SDK1: variants seen among roughly 807,000 people sequenced by gnomAD.
SDK1 encodes protein sidekick-1.
Under a neutral mutation model 245.5 loss-of-function variants are expected in SDK1, and 157 were observed. The ratio of observed to expected loss-of-function variants is 0.64; its 90% CI spans 0.56 to 0.73. The LOEUF (loss-of-function observed/expected upper bound fraction) is 0.73. SDK1 is among the 30% of genes least tolerant of loss of function. The pLI is 0.00. For missense variants in SDK1, 3,583 were observed against 3,002.3 expected, an observed-to-expected ratio of 1.19 and a Z score of -4.52; for synonymous variants, 1,647 against 1,278.5, an observed-to-expected ratio of 1.29 and a Z score of -6.15.
intron 4 of SDK1, among the ~76,000 whole-genome samples, chr7:3,778,149 C>G (rs142230871): frequency 6.6e-6 from 1 of 152,248 alleles, no homozygotes; most frequent in African/African-American, 2.4e-5. Context: ...TTGTAGCAAC[C>G]AGTAGTGTAT....
intron 34 of SDK1, among the ~76,000 whole-genome samples, chr7:4,176,907 G>A (rs1782249212): frequency 6.6e-6 from 1 of 152,178 alleles, no homozygotes; most frequent in African/African-American, 2.4e-5. Flanking sequence ...AAACCACGTT[G>A]TTTCTCCTTT....
chr7:3,982,304 C>T (rs1783470069), intron 13 of SDK1, among the ~76,000 whole-genome samples: 1 of 152,196 alleles, frequency 6.6e-6, no homozygotes, highest in South Asian at 2.1e-4. Context: ...ATGGACAGTG[C>T]ACCTTGTCAT....
At chr7:3,710,460 G>T (rs936286563) in intron 4 of SDK1, among the ~76,000 whole-genome samples, 1 of 152,170 alleles carries the variant, frequency 6.6e-6, no homozygotes, top group African/African-American at 2.4e-5. Context: ...AATTATTAAG[G>T]ACTAATGTCA....
rs114538267 is a variant in SDK1, at chr7:4,099,451, C to G, written c.3325-11212C>G. ...AGGGCCGGGCCAGGCAAGGTTAGGA[C>G]TGCCTGGTGTCACAGTCTCAGCGGG... On this transcript the variant is annotated intron_variant, in intron 22 of 44. Transcript: ENST00000404826. Among the ~76,000 whole-genome samples, 540 of 139,752 alleles carry G rather than the reference C, an allele frequency of 3.9e-3. 2 individuals carry two copies. Among genetic ancestry groups the G allele is most frequent in the African/African-American group, 0.014 (515 of 37,536 alleles). The allele number at this position is 139,752 out of a possible 152,430, so 91.7% of individuals were successfully genotyped here.
Position 4,144,489 on chromosome 7 carries a change from G to C in SDK1, c.4229-1233G>C, listed in dbSNP as rs1043470916. On this transcript the variant is annotated intron_variant, in intron 28 of 44. Coordinates refer to ENST00000404826, the MANE Select transcript of SDK1 (RefSeq NM_152744.4). ...TGGTGAGCGGTGATGCCTGGGGCCTGATGTGAGGATGCCCTTGAGGTCTGA... is the reference window on the plus strand; with the variant it reads ...TGGTGAGCGGTGATGCCTGGGGCCTCATGTGAGGATGCCCTTGAGGTCTGA... 9.9e-5 allele frequency among the ~76,000 whole-genome samples: 15 copies of C among 151,182 alleles called. No homozygotes were observed. The South Asian group carries it at 3.1e-3, about 32-fold the overall frequency.
intron 5 of SDK1, among the ~76,000 whole-genome samples, chr7:3,896,960 A>G (rs906184625): frequency 1.3e-5 from 2 of 152,200 alleles, no homozygotes; most frequent in African/African-American, 2.4e-5. Context: ...AGTTACAATC[A>G]TGGCAGAAGG....
intron 1 of SDK1, among the ~76,000 whole-genome samples, chr7:3,615,306 G>A (rs1781731609): frequency 1.3e-5 from 2 of 151,586 alleles, no homozygotes; most frequent in African/African-American, 4.8e-5. Flanking sequence ...GACTGTTTGG[G>A]TAATAAGAGG....
intron 2 of SDK1, among the ~76,000 whole-genome samples, chr7:3,637,050 A>T (rs1341951843): frequency 2.3e-5 from 3 of 129,824 alleles, no homozygotes; most frequent in Non-Finnish European, 3.2e-5. Context: ...TTTTTTCCTG[A>T]TGCAGAGAGA....
At chr7:4,007,067 G>A (rs1283607842) in intron 14 of SDK1, among the ~76,000 whole-genome samples, 1 of 152,240 alleles carries the variant, frequency 6.6e-6, no homozygotes, top group Non-Finnish European at 1.5e-5. Context: ...GTGAATGGCT[G>A]ACTGCTAGAC....
intron 1 of SDK1, among the ~76,000 whole-genome samples, chr7:3,516,303 G>C (rs1477237156): frequency 6.6e-6 from 1 of 151,936 alleles, no homozygotes; most frequent in South Asian, 2.1e-4. Flanking sequence ...TATACATGCA[G>C]CTGTAGATCA....
chr7:4,239,451 T>C (rs1786385172), intron 42 of SDK1, among the ~76,000 whole-genome samples: 1 of 152,250 alleles, frequency 6.6e-6, no homozygotes, highest in Non-Finnish European at 1.5e-5. Context: ...TTGATTATCG[T>C]CAATTTTAAA....
intron 1 of SDK1, among the ~76,000 whole-genome samples, chr7:3,361,019 C>T (rs1780936792): frequency 1.3e-5 from 2 of 152,144 alleles, no homozygotes; most frequent in African/African-American, 4.8e-5. Context: ...GGAGTTACAT[C>T]CATCATCTTT....
chr7:3,533,328 A>G (rs1783412382), intron 1 of SDK1, among the ~76,000 whole-genome samples: 1 of 152,192 alleles, frequency 6.6e-6, no homozygotes, highest in South Asian at 2.1e-4. Context: ...AGTTGGATAA[A>G]AAGACTCGCT....
At chr7:3,795,397 G>T (rs749620934) in intron 4 of SDK1, among the ~76,000 whole-genome samples, 8 of 152,072 alleles carry the variant, frequency 5.3e-5, no homozygotes, top group Non-Finnish European at 8.8e-5. Flanking sequence ...TCTGATTCAG[G>T]CCTTATAGAT....
rs191260915 is a variant in SDK1 at position 3,814,489 on chromosome 7, G to A, written c.714-6961G>A. Reference sequence around the variant, plus strand: ...TGATCTGTATCTCTGTTTTGGTACCGGTACCATGCTGTTTTGGTTACTGTA... The same window carrying A: ...TGATCTGTATCTCTGTTTTGGTACCAGTACCATGCTGTTTTGGTTACTGTA... On this transcript the variant is annotated intron_variant, in intron 4 of 44. Transcript: ENST00000404826. Among the ~76,000 whole-genome samples the A allele has an allele frequency of 3.4e-3, 521 of 151,390 alleles. 3 individuals are homozygous for A. Among genetic ancestry groups the A allele is most frequent in the African/African-American group, 0.011 (433 of 40,850 alleles).
intron 5 of SDK1, among the ~76,000 whole-genome samples, chr7:3,939,460 C>G (rs934355562): frequency 1.3e-5 from 2 of 152,070 alleles, no homozygotes; most frequent in African/African-American, 4.8e-5. Flanking sequence ...TTTTCTATTT[C>G]GTGAACTTGT....
At chr7:3,309,713 C>A (rs1223184027) in intron 1 of SDK1, among the ~76,000 whole-genome samples, 1 of 151,912 alleles carries the variant, frequency 6.6e-6, no homozygotes, top group Non-Finnish European at 1.5e-5. Flanking sequence ...ATGGCTGTTA[C>A]CCTAAAGCAT....
chr7:4,052,833 A>G (rs1321886547), intron 19 of SDK1, among the ~76,000 whole-genome samples: 1 of 152,180 alleles, frequency 6.6e-6, no homozygotes, highest in African/African-American at 2.4e-5. Flanking sequence ...TCATGCCTGT[A>G]ATCCCAGCAC....
intron 4 of SDK1, among the ~76,000 whole-genome samples, chr7:3,774,292 A>G (rs1780488106): frequency 6.6e-6 from 1 of 152,134 alleles, no homozygotes; most frequent in Non-Finnish European, 1.5e-5. Flanking sequence ...GAGGCCTACA[A>G]CAGTGGGGGA....
Sources: allele counts gnomAD v4.1 joint callset (sites outside exome capture counted in the v4.1 genomes callset), GRCh38; gene constraint gnomAD v4.1.1; transcripts MANE v1.5; gene names NCBI Gene and HGNC (gene_info 2026-07-23, HGNC 2026-07-21).